Variants in CPSF2 observed in about 807,000 individuals in gnomAD.
CPSF2 encodes the protein cleavage and polyadenylation specific factor 2.
A neutral mutation model predicts 84.2 loss-of-function variants in CPSF2; 51 were observed. The ratio of observed to expected loss-of-function variants is 0.61; its 90% CI spans 0.48 to 0.77. The LOEUF (loss-of-function observed/expected upper bound fraction) is 0.77. CPSF2 is among the 30% of genes least tolerant of loss of function. CPSF2 has a pLI of 0.00. For synonymous variants in CPSF2, 286 were observed against 311.9 expected (o/e 0.92, Z 0.87); for missense variants, 641 against 929.4 (o/e 0.69, Z 4.03).
rs34354391 is a variant in CPSF2 at position 92,139,950 on chromosome 14, A to ATTTTTTTT, written c.661+1618_661+1625dup. Among the ~76,000 whole-genome samples, 30 of 97,660 alleles carry ATTTTTTTT rather than the reference A, an allele frequency of 3.1e-4. 2 individuals are homozygous for ATTTTTTTT. The highest frequency in any genetic ancestry group is 6.5e-4 in the East Asian group (2 of 3,098). The allele number at this position is 97,660 out of a possible 152,430, so 64.1% of individuals were successfully genotyped here. ...GTTCATCTACTTTAAAAGTACAACT[A>ATTTTTTTT]TTTTTTTTTTTTTTTTTTTTTTGAG... On this transcript the variant is annotated intron_variant, in intron 7 of 15. Coordinates refer to ENST00000298875, the MANE Select transcript of CPSF2 (RefSeq NM_017437.3).
At chr14:92,137,167 A>G (rs1236620859) in intron 6 of CPSF2, among the ~76,000 whole-genome samples, 1 of 152,068 alleles carries the variant, frequency 6.6e-6, no homozygotes, top group Non-Finnish European at 1.5e-5. Context: ...GAAAATTTAA[A>G]TGATCTTTTT....
intron 1 of CPSF2, among the ~76,000 whole-genome samples, chr14:92,122,559 C>G (rs1308837662): frequency 6.6e-6 from 1 of 152,226 alleles, no homozygotes; most frequent in African/African-American, 2.4e-5. Flanking sequence ...ACCGCTTAGG[C>G]GTCCTTTTAG....
intron 3 of CPSF2, among the ~76,000 whole-genome samples, chr14:92,133,192 G>T (rs1387415765): frequency 6.6e-6 from 1 of 152,122 alleles, no homozygotes; most frequent in Admixed American, 6.5e-5. Context: ...GGCCGAGGTG[G>T]GCGGATCACC....
At position 92,166,978 on chromosome 14, in the gene CPSF2, G is replaced by A. The variant is rs918557706; in HGVS notation, c.*5234G>A. The A allele has an allele frequency of 6.7e-6, 1 of 149,082 alleles. No homozygotes were observed. Among genetic ancestry groups the A allele is most frequent in the Non-Finnish European group, 1.5e-5 (1 of 67,256 alleles). The allele number at this position is 149,082 out of a possible 1,614,324, so 9.2% of individuals were successfully genotyped here. A position where few individuals can be genotyped will look rare whatever the true frequency, so the allele number is the denominator to read the frequency against. On this transcript the variant is annotated 3_prime_UTR_variant, in exon 16 of 16. Coordinates refer to ENST00000298875, the MANE Select transcript of CPSF2 (RefSeq NM_017437.3). ...TATTCTGGGTCTCTTGCATTTTCAT[G>A]TGAGTTTAGATTCTGCTTATCGATT...
chr14:92,123,808 T>A (rs917316771), intron 1 of CPSF2, among the ~76,000 whole-genome samples: 1 of 152,256 alleles, frequency 6.6e-6, no homozygotes, highest in South Asian at 2.1e-4. Context: ...GAGGCTTCAT[T>A]CCTTCTTGCA....
At chr14:92,159,697 A>T (rs2069343320) in intron 14 of CPSF2, among the ~76,000 whole-genome samples, 1 of 152,164 alleles carries the variant, frequency 6.6e-6, no homozygotes, top group African/African-American at 2.4e-5. Flanking sequence ...AACATAAAAT[A>T]TGTCTCACAT....
intron 9 of CPSF2, among the ~76,000 whole-genome samples, chr14:92,146,788 G>GA (rs2069149866): frequency 6.6e-6 from 1 of 152,096 alleles, no homozygotes; most frequent in East Asian, 1.9e-4. Context: ...AGGCTTCTTA[G>GA]ATCCCATATG....
intron 13 of CPSF2, among the ~76,000 whole-genome samples, chr14:92,158,504 T>G (rs184183881): frequency 1.2e-4 from 18 of 152,270 alleles, no homozygotes; most frequent in Non-Finnish European, 2.4e-4. Context: ...AGAAGCAACC[T>G]TCCAAGAATA....
At chr14:92,124,386 CATGGAG>C (rs2068819732) in intron 1 of CPSF2, among the ~76,000 whole-genome samples, 1 of 152,074 alleles carries the variant, frequency 6.6e-6, no homozygotes, top group African/African-American at 2.4e-5. Flanking sequence ...TGAGGGCCTC[CATGGAG>C]GCAGGACATA....
chr14:92,161,357 T>A, intron 15 of CPSF2, 111 bp downstream of exon 15: 1 of 1,283,940 alleles, frequency 7.8e-7, no homozygotes, highest in Non-Finnish European at 1.1e-6. Flanking sequence ...GATCAGTAAT[T>A]TATATTCATG....
intron 6 of CPSF2, 78 bp from the exon 7 acceptor site, chr14:92,138,154 T>C: frequency 1.6e-6 from 1 of 640,604 alleles, no homozygotes; most frequent in South Asian, 2.9e-5. Context: ...ATGAAGCTGC[T>C]TATTTTTTAA....
intron 9 of CPSF2, among the ~76,000 whole-genome samples, chr14:92,148,032 T>C (rs976271994): frequency 6.6e-6 from 1 of 152,230 alleles, no homozygotes; most frequent in Non-Finnish European, 1.5e-5. Context: ...GCCTTAAACA[T>C]GTAAATCACC....
At chr14:92,150,907 T>C (rs1402923860) in intron 9 of CPSF2, among the ~76,000 whole-genome samples, 2 of 152,306 alleles carry the variant, frequency 1.3e-5, no homozygotes, top group South Asian at 2.1e-4. Flanking sequence ...GGAAAACTTA[T>C]ACCCAGCACT....
intron 7 of CPSF2, among the ~76,000 whole-genome samples, chr14:92,140,656 T>G (rs2069065462): frequency 6.6e-6 from 1 of 151,748 alleles, no homozygotes; most frequent in Non-Finnish European, 1.5e-5. Flanking sequence ...ATGGTCTCGA[T>G]CTCTTGACCT....
chr14:92,153,485 A>G (rs1411829531), intron 9 of CPSF2, among the ~76,000 whole-genome samples: 1 of 152,028 alleles, frequency 6.6e-6, no homozygotes, highest in Non-Finnish European at 1.5e-5. Context: ...GTATTTATTT[A>G]TGTTTCCCAT....
At chr14:92,151,578 A>G (rs901728733) in intron 9 of CPSF2, among the ~76,000 whole-genome samples, 1 of 152,178 alleles carries the variant, frequency 6.6e-6, no homozygotes, top group African/African-American at 2.4e-5. Context: ...TGAAAGGACT[A>G]TTTACATATT....
chr14:92,124,241 C>T (rs1306030451), intron 1 of CPSF2, among the ~76,000 whole-genome samples: 5 of 152,074 alleles, frequency 3.3e-5, no homozygotes, highest in Admixed American at 3.3e-4. Flanking sequence ...ACCAGGAATC[C>T]AGTGGATATT....
chr14:92,124,962 G>A (rs897845331), intron 1 of CPSF2, among the ~76,000 whole-genome samples: 3 of 152,150 alleles, frequency 2.0e-5, no homozygotes, highest in Non-Finnish European at 4.4e-5. Flanking sequence ...TTGTAAGGAG[G>A]TGGAACATGA....
At chr14:92,143,862 G>A (rs2069111422) in intron 9 of CPSF2, among the ~76,000 whole-genome samples, 1 of 151,976 alleles carries the variant, frequency 6.6e-6, no homozygotes, top group African/African-American at 2.4e-5. Flanking sequence ...ACTTTTCCGT[G>A]GTACCCTCTA....
Sources: gnomAD v4.1 joint callset for allele counts (sites outside exome capture counted in the v4.1 genomes callset) on GRCh38, gnomAD v4.1.1 for gene constraint, MANE v1.5 for transcripts, NCBI Gene and HGNC (gene_info 2026-07-23, HGNC 2026-07-21) for gene names.